ZMAT4: variants seen among roughly 807,000 people sequenced by gnomAD.
The protein encoded by ZMAT4 is zinc finger matrin-type protein 4.
In ZMAT4, 17 loss-of-function variants were observed where a neutral mutation model predicts 28.7. That is an observed-to-expected ratio of 0.59 (90% confidence interval 0.41 to 0.89). ZMAT4 has a LOEUF of 0.89. Ranked by LOEUF, ZMAT4 falls within the 40% of genes least tolerant of loss-of-function variation. The probability of loss-of-function intolerance (pLI) is 0.00; values close to 1 mark genes in which losing one functional copy is unlikely to be tolerated. For synonymous variants in ZMAT4, 117 were observed against 109.2 expected, an observed-to-expected ratio of 1.07 and a Z score of -0.44; for missense variants, 240 against 283.8, an observed-to-expected ratio of 0.85 and a Z score of 1.11.
intron 5 of ZMAT4, among the ~76,000 whole-genome samples, chr8:40,596,942 C>T (rs16889642): frequency 0.069 from 10,537 of 152,180 alleles, 569 homozygotes; most frequent in Admixed American, 0.16. Context: ...ATCTCAACTC[C>T]GGCTCCTGCT....
chr8:40,733,691 A>G (rs879613898), intron 3 of ZMAT4, among the ~76,000 whole-genome samples: 2 of 152,194 alleles, frequency 1.3e-5, no homozygotes, highest in Non-Finnish European at 2.9e-5. Flanking sequence ...GGGATTTCAG[A>G]TAACTATTAT....
At chr8:40,799,207 G>C (rs113656872) in intron 2 of ZMAT4, among the ~76,000 whole-genome samples, 1 of 72,546 alleles carries the variant, frequency 1.4e-5, no homozygotes, top group South Asian at 4.8e-4. Context: ...GGATAGATGG[G>C]TGGATGGATG....
intron 3 of ZMAT4, among the ~76,000 whole-genome samples, chr8:40,748,775 A>G (rs1248602962): frequency 6.6e-6 from 1 of 152,166 alleles, no homozygotes; most frequent in Non-Finnish European, 1.5e-5. Flanking sequence ...TCTAAGCAGA[A>G]CTTGATCTTG....
chr8:40,852,741 ATCATGCATTGGTAAAACTGT>A (rs1563527968), intron 1 of ZMAT4, among the ~76,000 whole-genome samples: 1 of 152,214 alleles, frequency 6.6e-6, no homozygotes, highest in East Asian at 1.9e-4. Flanking sequence ...ATTTTGTAAC[ATCATGCATTGGTAAAACTGT>A]TCAGAGTTAT....
At chr8:40,764,242 A>G (rs1203914390) in intron 3 of ZMAT4, among the ~76,000 whole-genome samples, 2 of 149,820 alleles carry the variant, frequency 1.3e-5, no homozygotes, top group Non-Finnish European at 2.9e-5. Context: ...TGTGGCCCCA[A>G]GGGAAAAATG....
chr8:40,602,111 G>T (rs989338960), intron 5 of ZMAT4, among the ~76,000 whole-genome samples: 1 of 152,142 alleles, frequency 6.6e-6, no homozygotes, highest in Admixed American at 6.5e-5. Flanking sequence ...GAGAACATAT[G>T]ATGCTTGGTT....
intron 5 of ZMAT4, among the ~76,000 whole-genome samples, chr8:40,621,228 C>T (rs1363814951): frequency 6.6e-6 from 1 of 152,110 alleles, no homozygotes; most frequent in Non-Finnish European, 1.5e-5. Flanking sequence ...GTGAAACAGG[C>T]CAGCACACAA....
At chr8:40,595,363 C>CAT (rs965885365) in intron 5 of ZMAT4, among the ~76,000 whole-genome samples, 34 of 152,132 alleles carry the variant, frequency 2.2e-4, no homozygotes, top group East Asian at 3.9e-4. Context: ...AACACACACA[C>CAT]ATATATATAT....
intron 5 of ZMAT4, among the ~76,000 whole-genome samples, chr8:40,588,718 T>C (rs79659169): frequency 0.05 from 7,545 of 152,216 alleles, 254 homozygotes; most frequent in Non-Finnish European, 0.08. Flanking sequence ...TTGATAGTAC[T>C]TAATAAAGTT....
rs991620124 is a variant in ZMAT4 at position 40,530,940 on chromosome 8, G to A, written c.*1283C>T. 1.3e-5 allele frequency: 2 copies of A among 152,584 alleles called. No individual in the cohort carries two copies. The highest frequency in any genetic ancestry group is 4.8e-5 in the African/African-American group (2 of 41,434). 9.5% of individuals were successfully genotyped at this position (152,584 alleles called of 1,614,324 possible). ...TGTCATTTTGTTTATTGCTCACTGA[G>A]TTGTTGCCACCTCAGCTCTTGGTGG... On this transcript the variant is annotated 3_prime_UTR_variant, in exon 7 of 7. Transcript: ENST00000297737.
At chr8:40,562,059 A>T (rs1164078735) in intron 6 of ZMAT4, among the ~76,000 whole-genome samples, 1 of 152,172 alleles carries the variant, frequency 6.6e-6, no homozygotes, top group African/African-American at 2.4e-5. Context: ...ACCTTTCTCT[A>T]CTTTGGACGA....
intron 3 of ZMAT4, among the ~76,000 whole-genome samples, chr8:40,766,930 G>A (rs1813182495): frequency 6.6e-6 from 1 of 152,208 alleles, no homozygotes; most frequent in African/African-American, 2.4e-5. Flanking sequence ...AACTCAAAGG[G>A]CGAGGAATTT....
intron 1 of ZMAT4, among the ~76,000 whole-genome samples, chr8:40,833,618 C>T (rs1816370806): frequency 6.6e-6 from 1 of 151,250 alleles, no homozygotes; most frequent in Non-Finnish European, 1.5e-5. Flanking sequence ...CAGCAGGCAG[C>T]TAGGGTGCAG....
chr8:40,693,309 T>C (rs770084791), intron 4 of ZMAT4, among the ~76,000 whole-genome samples: 3 of 151,950 alleles, frequency 2.0e-5, no homozygotes, highest in Non-Finnish European at 4.4e-5. Flanking sequence ...AGGGAAAGGG[T>C]CTCACTACAT....
chr8:40,826,706 G>T (rs1816061291), intron 1 of ZMAT4, among the ~76,000 whole-genome samples: 1 of 151,974 alleles, frequency 6.6e-6, no homozygotes, highest in Non-Finnish European at 1.5e-5. Context: ...ATTCATAAAG[G>T]CCACCTCCAC....
chr8:40,611,009 C>T (rs1240686519), intron 5 of ZMAT4, among the ~76,000 whole-genome samples: 1 of 151,780 alleles, frequency 6.6e-6, no homozygotes, highest in Non-Finnish European at 1.5e-5. Context: ...CAAAAAGACC[C>T]GAGTGGCATC....
At chr8:40,679,213 T>C (rs1410690946) in intron 4 of ZMAT4, among the ~76,000 whole-genome samples, 1 of 152,208 alleles carries the variant, frequency 6.6e-6, no homozygotes, top group Non-Finnish European at 1.5e-5. Flanking sequence ...TATCAGCTGC[T>C]GTCACCTGTT....
intron 5 of ZMAT4, among the ~76,000 whole-genome samples, chr8:40,669,158 G>A (rs1808565939): frequency 6.6e-6 from 1 of 152,122 alleles, no homozygotes; most frequent in African/African-American, 2.4e-5. Context: ...AAGACAACTT[G>A]ATGGAAGTGA....
At chr8:40,606,982 C>T (rs1805614162) in intron 5 of ZMAT4, among the ~76,000 whole-genome samples, 1 of 152,046 alleles carries the variant, frequency 6.6e-6, no homozygotes, top group Non-Finnish European at 1.5e-5. Flanking sequence ...CTTTCTTCTA[C>T]TTGTTCAATT....
Sources: gnomAD v4.1 joint callset for allele counts (sites outside exome capture counted in the v4.1 genomes callset) on GRCh38, gnomAD v4.1.1 for gene constraint, MANE v1.5 for transcripts, NCBI Gene and HGNC (gene_info 2026-07-23, HGNC 2026-07-21) for gene names.